ABCA13: variants seen among roughly 807,000 people sequenced by gnomAD.
ABCA13 encodes ATP binding cassette subfamily A member 13.
A neutral mutation model predicts 478.7 loss-of-function variants in ABCA13; 476 were observed. That is an observed-to-expected ratio of 0.99 (90% CI 0.92 to 1.07). The LOEUF is 1.07. ABCA13 is among the 50% of genes least tolerant of loss of function. ABCA13 has a pLI of 0.00. For missense variants in ABCA13, 6,060 were observed against 5,910.6 expected (o/e 1.03, Z -0.83); for synonymous variants, 2,252 against 2,158.9 (o/e 1.04, Z -1.20).
intron 59 of ABCA13, among the ~76,000 whole-genome samples, chr7:48,633,441 A>G (rs775823571): frequency 6.6e-5 from 10 of 152,122 alleles, no homozygotes; most frequent in Non-Finnish European, 1.3e-4. Context: ...GCATCCACAG[A>G]CTACTTTACC....
At chr7:48,585,987 T>C (rs1230792567) in intron 56 of ABCA13, among the ~76,000 whole-genome samples, 1 of 152,110 alleles carries the variant, frequency 6.6e-6, no homozygotes, top group African/African-American at 2.4e-5. Flanking sequence ...AAATGCTAAA[T>C]AAAAGTGTTC....
Position 48,467,049 on chromosome 7 carries a change from A to G in ABCA13, c.12905+4A>G, listed in dbSNP as rs1585450178. 1.9e-6 allele frequency: 3 copies of G among 1,613,700 alleles called. No individual in the cohort carries two copies. Among genetic ancestry groups the G allele is most frequent in the Non-Finnish European group, 8.5e-7 (1 of 1,179,726 alleles). On this transcript the variant is annotated splice_donor_region_variant and intron_variant, in intron 44 of 61. Transcript: ENST00000435803. The stretch of plus-strand genomic sequence containing the variant: ...GTGCAGATTTAAACCCACGCCAGTA[A>G]GTGTCAGGTGCTCTCTGCAAAAGTG...
At chr7:48,208,202 G>T (rs1010473820) in intron 3 of ABCA13, among the ~76,000 whole-genome samples, 1 of 152,120 alleles carries the variant, frequency 6.6e-6, no homozygotes, top group Admixed American at 6.6e-5. Context: ...AAGCTTTGTA[G>T]TATATTTTGA....
chr7:48,548,082 G>A (rs941108829), intron 55 of ABCA13, among the ~76,000 whole-genome samples: 2 of 151,884 alleles, frequency 1.3e-5, no homozygotes, highest in Admixed American at 1.3e-4. Context: ...AGCTAGAACT[G>A]ATAATATGTT....
chr7:48,426,203 C>T lies in ABCA13; in HGVS notation c.12460-1563C>T, dbSNP rs149276245. On this transcript the variant is annotated intron_variant, in intron 41 of 61. Transcript: ENST00000435803. ...GAGGTTTACAGCTTTTCCTTGGAGT[C>T]TTACTGAGAATCAGCAAAGTGTTAT... 8.3e-4 allele frequency among the ~76,000 whole-genome samples: 127 copies of T among 152,330 alleles called. 2 individuals are homozygous for T. In the East Asian group the frequency reaches 0.021, roughly 25 times the overall value.
chr7:48,184,106 T>C (rs1796053024), intron 1 of ABCA13, among the ~76,000 whole-genome samples: 1 of 152,212 alleles, frequency 6.6e-6, no homozygotes, highest in South Asian at 2.1e-4. Flanking sequence ...TCACTGACAA[T>C]GAGTACTCTC....
At chr7:48,639,828 T>G (rs765792727) in intron 59 of ABCA13, among the ~76,000 whole-genome samples, 2 of 152,198 alleles carry the variant, frequency 1.3e-5, no homozygotes, top group Admixed American at 1.3e-4. Context: ...AGTTCCTAAA[T>G]AAATGATTTT....
intron 56 of ABCA13, among the ~76,000 whole-genome samples, chr7:48,586,176 C>T (rs1789161457): frequency 6.6e-6 from 1 of 152,114 alleles, no homozygotes; most frequent in South Asian, 2.1e-4. Flanking sequence ...ACAGTCTGAA[C>T]TCTCCTGTGG....
intron 58 of ABCA13, among the ~76,000 whole-genome samples, chr7:48,613,356 A>AT (rs1490691603): frequency 6.6e-6 from 1 of 151,688 alleles, no homozygotes; most frequent in African/African-American, 2.4e-5. Context: ...ACCTGGCTAA[A>AT]TTTTTGTACT....
At chr7:48,590,824 A>G (rs895462308) in intron 57 of ABCA13, among the ~76,000 whole-genome samples, 6 of 151,912 alleles carry the variant, frequency 3.9e-5, no homozygotes, top group Admixed American at 6.6e-5. Flanking sequence ...TCTATTTTTA[A>G]TTATTATTAT....
intron 59 of ABCA13, among the ~76,000 whole-genome samples, chr7:48,637,389 A>AAAAAAAAAAAAAAAAAAC (rs1794741724): frequency 6.8e-6 from 1 of 147,022 alleles, no homozygotes; most frequent in Non-Finnish European, 1.5e-5. Context: ...AGCAAAAAAA[A>AAAAAAAAAAAAAAAAAAC]AAAAAAAAAA....
At chr7:48,297,940 A>ATTTTTTTTT (rs35586036) in intron 22 of ABCA13, among the ~76,000 whole-genome samples, 1 of 131,276 alleles carries the variant, frequency 7.6e-6, no homozygotes, top group Admixed American at 7.8e-5. Flanking sequence ...ATGCCCGGCT[A>ATTTTTTTTT]TTTTTTTTTT....
In ABCA13 at chr7:48,582,458, G is replaced by T. The variant is rs572234213; in HGVS notation, c.14505+2084G>T. Among the ~76,000 whole-genome samples, 5 of 152,274 alleles carry T rather than the reference G, an allele frequency of 3.3e-5. No individual in the cohort carries two copies. In the South Asian group the frequency reaches 8.3e-4, roughly 25 times the overall value. ...CTCAACATGTGTGCCTCACCTCCAG[G>T]CTTTCAGAACTCATAGATATGGGGG... is the stretch of plus-strand genomic sequence containing the variant. On this transcript the variant is annotated intron_variant, in intron 56 of 61. Coordinates refer to ENST00000435803, the MANE Select transcript of ABCA13 (RefSeq NM_152701.5).
chr7:48,381,011 A>G (rs1005849005), intron 35 of ABCA13, among the ~76,000 whole-genome samples: 1 of 152,156 alleles, frequency 6.6e-6, no homozygotes, highest in Non-Finnish European at 1.5e-5. Flanking sequence ...TTAGAAATGT[A>G]CTTGCCCTTC....
chr7:48,245,732 G>T lies in ABCA13; in HGVS notation c.1491+120G>T, dbSNP rs1791565374. On this transcript the variant is annotated intron_variant, in intron 12 of 61. Coordinates refer to ENST00000435803, the MANE Select transcript of ABCA13 (RefSeq NM_152701.5). ...TAGCTAAAAAAGGGAACAATATGCAGGTTTTTCAAAACTTTATGTTGTGTT... is the reference window on the plus strand; with the variant it reads ...TAGCTAAAAAAGGGAACAATATGCATGTTTTTCAAAACTTTATGTTGTGTT... 2.8e-6 allele frequency: 4 copies of T among 1,433,308 alleles called. No individual in the cohort carries two copies. In the Admixed American group the frequency reaches 7.2e-5, roughly 26 times the overall value. 88.8% of individuals were successfully genotyped at this position (1,433,308 alleles called of 1,614,324 possible).
intron 35 of ABCA13, 108 bp from the exon 36 acceptor site, chr7:48,387,714 A>C (rs1815402481): frequency 9.8e-7 from 1 of 1,018,128 alleles, no homozygotes; most frequent in South Asian, 2.0e-5. Flanking sequence ...ACATATATTA[A>C]AAATATTAAC....
intron 55 of ABCA13, among the ~76,000 whole-genome samples, chr7:48,554,984 A>G (rs1355832610): frequency 6.6e-6 from 1 of 151,702 alleles, no homozygotes; most frequent in South Asian, 2.1e-4. Flanking sequence ...GGTCTGTTGT[A>G]TATGACTTTT....
chr7:48,323,234 A>G lies in ABCA13; in HGVS notation c.9999+5938A>G, dbSNP rs558864646. On this transcript the variant is annotated intron_variant, in intron 27 of 61. Transcript: ENST00000435803. ...TGTCGCCTGCTGTAATATAAGCTTC[A>G]TGAGGGGCAGGAGCTTGTCTGTCTT... Among the ~76,000 whole-genome samples the G allele has an allele frequency of 2.3e-3, 348 of 152,316 alleles. 2 individuals are homozygous for G. Among genetic ancestry groups the G allele is most frequent in the Non-Finnish European group, 3.0e-3 (207 of 68,038 alleles).
chr7:48,463,465 G>A (rs1049089647), intron 43 of ABCA13, among the ~76,000 whole-genome samples: 2 of 152,130 alleles, frequency 1.3e-5, no homozygotes, highest in Admixed American at 6.6e-5. Context: ...AGCGAGAGAG[G>A]GGAGGCTGAG....
Sources: allele counts gnomAD v4.1 joint callset (sites outside exome capture counted in the v4.1 genomes callset), GRCh38; gene constraint gnomAD v4.1.1; transcripts MANE v1.5; gene names NCBI Gene and HGNC (gene_info 2026-07-23, HGNC 2026-07-21).